ATR: variants seen among roughly 807,000 people sequenced by gnomAD.
ATR encodes serine/threonine-protein kinase ATR.
ATR carries 142 observed loss-of-function variants against 305.3 expected under a neutral mutation model. That is an observed-to-expected ratio of 0.47 (90% CI 0.41 to 0.53). ATR has a LOEUF of 0.53. Among genes scored for constraint, ATR ranks in the 20% least tolerant of loss-of-function variants. The pLI, the probability that ATR is intolerant of heterozygous loss-of-function variation, is 0.00. For missense variants in ATR, 2,135 were observed against 3,133.1 expected (o/e 0.68, Z 7.60); for synonymous variants, 1,050 against 1,068.1 (o/e 0.98, Z 0.33).
chr3:142,459,528 G>T, intron 42 of ATR, 145 bp from the exon 43 acceptor site: 1 of 933,842 alleles, frequency 1.1e-6, no homozygotes, highest in Non-Finnish European at 1.6e-6. Flanking sequence ...TTTCAATTAA[G>T]CATACATAAA....
At chr3:142,565,408 G>A (rs1429685849) in intron 3 of ATR, among the ~76,000 whole-genome samples, 2 of 152,138 alleles carry the variant, frequency 1.3e-5, no homozygotes, top group Non-Finnish European at 2.9e-5. Context: ...AGACACCAAT[G>A]AAGGGACAAA....
chr3:142,477,679 C>T (rs2029994026), intron 36 of ATR, among the ~76,000 whole-genome samples: 1 of 152,226 alleles, frequency 6.6e-6, no homozygotes, highest in Non-Finnish European at 1.5e-5. Context: ...ACCAGTTCCT[C>T]CTTGTACCTC....
chr3:142,549,820 T>C (rs899874240), intron 14 of ATR, 147 bp from the exon 15 acceptor site: 2 of 769,892 alleles, frequency 2.6e-6, no homozygotes, highest in African/African-American at 1.8e-5. Context: ...AGATCATTTA[T>C]ACCACTATAA....
chr3:142,480,083 A>T (rs1192299367), intron 36 of ATR, among the ~76,000 whole-genome samples: 2 of 152,218 alleles, frequency 1.3e-5, no homozygotes, highest in African/African-American at 4.8e-5. Flanking sequence ...TTCTTCTCTC[A>T]ACTCGTCAAA....
chr3:142,560,699 T>C (rs1426487677), intron 5 of ATR, among the ~76,000 whole-genome samples: 3 of 152,064 alleles, frequency 2.0e-5, no homozygotes, highest in African/African-American at 4.8e-5. Flanking sequence ...TAGCTGGGAC[T>C]ACAGGCGCCA....
chr3:142,508,277 G>A (rs1043551708), intron 27 of ATR, among the ~76,000 whole-genome samples, 168 bp from the exon 28 acceptor site: 2 of 152,194 alleles, frequency 1.3e-5, no homozygotes, highest in East Asian at 3.9e-4. Flanking sequence ...AGAGAGTCTT[G>A]CTCCAACTCT....
chr3:142,462,117 AAAC>A (rs2071033749), intron 41 of ATR, 27 bp from the exon 42 acceptor site: 1 of 1,597,792 alleles, frequency 6.3e-7, no homozygotes, highest in Non-Finnish European at 8.5e-7. Flanking sequence ...ATAAATTTAA[AAAC>A]AAGATAGAAC....
Position 142,563,045 on chromosome 3 carries a change from T to G in ATR, c.357A>C (p.Leu119Phe). 6.2e-7 allele frequency: 1 copy of G among 1,600,162 alleles called. No individual in the cohort carries two copies. The highest frequency in any genetic ancestry group is 1.3e-5 in the African/African-American group (1 of 74,192). Residue 119 changes from leucine (L) to phenylalanine (F), a missense_variant, in exon 4 of 47, where the codon TTA becomes TTC. By Grantham distance (22) the Leu-to-Phe change is conservative. Coordinates refer to ENST00000350721, the MANE Select transcript of ATR (RefSeq NM_001184.4). ...RIAATPSCHLLHKKICEVICS... is the reference protein window; with the variant it reads ...RIAATPSCHLFHKKICEVICS... The stretch of plus-strand genomic sequence containing the variant: ...AGATGACTTCACAGATTTTCTTGTG[T>G]AACAAATGACAGGAGGGAGTTGCTG...
At chr3:142,553,497 C>G (rs531268907) in intron 12 of ATR, 99 bp from the exon 13 acceptor site, 1 of 1,466,562 alleles carries the variant, frequency 6.8e-7, no homozygotes, top group African/African-American at 1.4e-5. Context: ...CAGAAACAAA[C>G]GGAAATCTAC....
At chr3:142,554,112 C>G in intron 10 of ATR, 97 bp from the exon 11 acceptor site, 1 of 1,052,004 alleles carries the variant, frequency 9.5e-7, no homozygotes, top group Non-Finnish European at 1.4e-6. Flanking sequence ...ATGAAGAATC[C>G]TAAGTTCTCT....
At chr3:142,554,147 A>G (rs1481193721) in intron 10 of ATR, 132 bp from the exon 11 acceptor site, 1 of 731,528 alleles carries the variant, frequency 1.4e-6, no homozygotes, top group Non-Finnish European at 2.2e-6. Flanking sequence ...TTCATATTTA[A>G]GTATGTATAG....
chr3:142,529,659 T>C (rs964745803), intron 21 of ATR, among the ~76,000 whole-genome samples: 1 of 152,156 alleles, frequency 6.6e-6, no homozygotes, highest in Admixed American at 6.5e-5. Context: ...TAAAACCGTG[T>C]TCTCATACAT....
intron 3 of ATR, among the ~76,000 whole-genome samples, chr3:142,565,330 T>G (rs2035029843): frequency 6.6e-6 from 1 of 152,162 alleles, no homozygotes; most frequent in Admixed American, 6.5e-5. Context: ...AGTTAAAGTT[T>G]GAACAAAAAA....
intron 23 of ATR, 50 bp from the exon 24 acceptor site, chr3:142,519,834 C>T (rs2033067007): frequency 1.5e-6 from 2 of 1,304,260 alleles, no homozygotes; most frequent in Non-Finnish European, 2.2e-6. Flanking sequence ...GCAGATAACG[C>T]TTTATATTCG....
chr3:142,552,033 T>C (rs1297444741), intron 13 of ATR, among the ~76,000 whole-genome samples: 1 of 152,042 alleles, frequency 6.6e-6, no homozygotes, highest in Non-Finnish European at 1.5e-5. Flanking sequence ...AAGACATACA[T>C]GCAGCCAGCC....
At position 142,560,556 on chromosome 3, in the gene ATR, T is replaced by C. The variant is rs547408016; in HGVS notation, c.1350-102A>G. Reference sequence around the variant, plus strand: ...AAACATACTATGTAATATCAACTATTCAAAAAAATTTTTTTTTTTTGTGAG... The same window carrying C: ...AAACATACTATGTAATATCAACTATCCAAAAAAATTTTTTTTTTTTGTGAG... On this transcript the variant is annotated intron_variant, in intron 5 of 46. Coordinates refer to ENST00000350721, the MANE Select transcript of ATR (RefSeq NM_001184.4). The C allele has an allele frequency of 9.7e-5, 116 of 1,201,774 alleles. No individual in the cohort carries two copies. In the African/African-American group the frequency reaches 1.7e-3, roughly 17 times the overall value. 74.4% of individuals were successfully genotyped at this position (1,201,774 alleles called of 1,614,324 possible).
chr3:142,486,706 T>A (rs1198247919), intron 35 of ATR, among the ~76,000 whole-genome samples: 2 of 152,076 alleles, frequency 1.3e-5, no homozygotes, highest in Non-Finnish European at 2.9e-5. Context: ...GAAACATATA[T>A]GAATCTTATG....
rs1351034487 is a variant in ATR, at chr3:142,563,100, T to A, written c.302A>T (p.Asn101Ile). 6.2e-7 allele frequency: 1 copy of A among 1,602,126 alleles called. No homozygotes were observed. The highest frequency in any genetic ancestry group is 2.2e-5 in the East Asian group (1 of 44,856). Reference protein sequence around the residue: ...EAKGSCIEFSNWIITRLLRIA... With the variant: ...EAKGSCIEFSIWIITRLLRIA... ...CCGCAGAAGTCTCGTTATGATCCAA[T>A]TACTGAATTCTTTGAAATAAACAAA... The change falls in exon 4 of 47, where the codon AAT becomes ATT. Residue 101 changes from asparagine to isoleucine, a missense_variant. By Grantham distance (149) the Asn-to-Ile change is moderately radical (BLOSUM62 -3). Around this residue, in one of 9 missense-constraint regions of ATR, gnomAD observed 744 missense variants for 873.2 expected, o/e 0.85. Coordinates refer to ENST00000350721, the MANE Select transcript of ATR (RefSeq NM_001184.4).
chr3:142,513,392 C>A (rs1445016674), intron 26 of ATR, 109 bp downstream of exon 26: 2 of 1,272,484 alleles, frequency 1.6e-6, no homozygotes, highest in Non-Finnish European at 2.3e-6. Flanking sequence ...ACATACATAG[C>A]CATACATAGG....
Sources: gnomAD v4.1 joint callset for allele counts (sites outside exome capture counted in the v4.1 genomes callset) on GRCh38, gnomAD v4.1.1 for gene constraint, gnomAD v4.1.1 regional missense constraint, MANE v1.5 for transcripts, NCBI Gene and HGNC (gene_info 2026-07-23, HGNC 2026-07-21) for gene names.